The following CFAP210 variants were observed in gnomAD, a reference collection of about 807,000 sequenced individuals.
CFAP210 encodes cilia and flagella associated protein 210.
the CFAP210 span, among the ~76,000 whole-genome samples, chr2:169,653,128 G>A: frequency 5.7e-5 from 8 of 140,000 alleles, no homozygotes; most frequent in Admixed American, 1.5e-4. Context: ...CAACGAGGGC[G>A]AGGAAAGCAG....
the CFAP210 span, chr2:169,661,376 A>T: frequency 1.5e-5 from 6 of 392,584 alleles, no homozygotes; most frequent in Non-Finnish European, 2.9e-5. Context: ...TTGTAATTCT[A>T]TCCTTATCCT....
chr2:169,667,584 A>G, the CFAP210 span, among the ~76,000 whole-genome samples: 28 of 152,316 alleles, frequency 1.8e-4, no homozygotes, highest in African/African-American at 6.7e-4. Context: ...TTGAAAGTCT[A>G]AATTACTCCT....
chr2:169,694,382 C>A, the CFAP210 span: 10 of 1,564,504 alleles, frequency 6.4e-6, no homozygotes, highest in Non-Finnish European at 7.9e-6. Context: ...GGACGCCAGC[C>A]GGTGGAGTTG....
chr2:169,674,926 C>A, the CFAP210 span: 1 of 1,536,530 alleles, frequency 6.5e-7, no homozygotes, highest in South Asian at 1.3e-5. Context: ...TTTTCAATGG[C>A]CTTTTTTCTT....
the CFAP210 span, among the ~76,000 whole-genome samples, chr2:169,676,191 G>C: frequency 6.6e-6 from 1 of 151,802 alleles, no homozygotes; most frequent in Non-Finnish European, 1.5e-5. Context: ...TATAACATGG[G>C]TTTGTTTCTA....
At chr2:169,659,672 T>C in the CFAP210 span, among the ~76,000 whole-genome samples, 11 of 152,174 alleles carry the variant, frequency 7.2e-5, no homozygotes, top group African/African-American at 2.7e-4. Flanking sequence ...AGCCAAACCA[T>C]ATCATTCTGC....
the CFAP210 span, among the ~76,000 whole-genome samples, chr2:169,684,842 C>T: frequency 6.6e-6 from 1 of 152,140 alleles, no homozygotes; most frequent in South Asian, 2.1e-4. Context: ...TTTTAGTAGA[C>T]ATGGAGTTTC....
chr2:169,681,060 C>T, the CFAP210 span: 3 of 1,613,842 alleles, frequency 1.9e-6, no homozygotes, highest in Non-Finnish European at 2.5e-6. Flanking sequence ...AAATGCATTT[C>T]TTTCTTTGCC....
At chr2:169,665,959 G>A in the CFAP210 span, among the ~76,000 whole-genome samples, 1 of 152,010 alleles carries the variant, frequency 6.6e-6, no homozygotes, top group Admixed American at 6.5e-5. Context: ...GAACTCCTGG[G>A]CTCAAGTGAT....
the CFAP210 span, chr2:169,674,651 G>A: frequency 6.2e-7 from 1 of 1,608,732 alleles, no homozygotes; most frequent in Non-Finnish European, 8.5e-7. Flanking sequence ...TTCTTTAAAA[G>A]CTTTTTCAAT....
chr2:169,675,094 A>G, the CFAP210 span: 1 of 1,243,014 alleles, frequency 8.0e-7, no homozygotes, highest in East Asian at 2.8e-5. Flanking sequence ...TAATTTTACT[A>G]CAGTTTAACA....
At chr2:169,678,835 AAAAT>A in the CFAP210 span, among the ~76,000 whole-genome samples, 1 of 152,116 alleles carries the variant, frequency 6.6e-6, no homozygotes, top group Non-Finnish European at 1.5e-5. Flanking sequence ...AAAAAAAATA[AAAAT>A]AAAATAAAAA....
chr2:169,678,341 C>CAA, the CFAP210 span, among the ~76,000 whole-genome samples: 28 of 88,150 alleles, frequency 3.2e-4, no homozygotes, highest in East Asian at 5.1e-4. Context: ...AACTCTGTTG[C>CAA]AAAAAAAAAA....
chr2:169,670,556 T>C, the CFAP210 span, among the ~76,000 whole-genome samples: 1 of 152,298 alleles, frequency 6.6e-6, no homozygotes, highest in Admixed American at 6.5e-5. Context: ...AGTGACTTAG[T>C]TGGATGGTTC....
At chr2:169,671,709 A>T in the CFAP210 span, among the ~76,000 whole-genome samples, 1 of 152,188 alleles carries the variant, frequency 6.6e-6, no homozygotes, top group Non-Finnish European at 1.5e-5. Flanking sequence ...ACCTCAAGTG[A>T]TCCACCCACC....
chr2:169,693,326 T>C, the CFAP210 span, among the ~76,000 whole-genome samples: 1 of 152,220 alleles, frequency 6.6e-6, no homozygotes, highest in East Asian at 1.9e-4. Context: ...AGTGCAGAAA[T>C]GCATATGCAG....
the CFAP210 span, among the ~76,000 whole-genome samples, chr2:169,689,149 C>T: frequency 6.6e-6 from 1 of 152,144 alleles, no homozygotes; most frequent in African/African-American, 2.4e-5. Flanking sequence ...AAGACTGGCC[C>T]CCATGATTCA....
chr2:169,660,225 A>T, the CFAP210 span, among the ~76,000 whole-genome samples: 4 of 151,384 alleles, frequency 2.6e-5, no homozygotes, highest in Non-Finnish European at 5.9e-5. Flanking sequence ...TGTCTCTACT[A>T]AAAAAAATAC....
the CFAP210 span, among the ~76,000 whole-genome samples, chr2:169,655,311 T>C: frequency 3.9e-5 from 6 of 152,178 alleles, no homozygotes; most frequent in South Asian, 6.2e-4. Context: ...TCTGTTATTA[T>C]GTAAGTAGAA....
Sources: allele counts gnomAD v4.1 joint callset (sites outside exome capture counted in the v4.1 genomes callset), GRCh38; gene constraint gnomAD v4.1.1; transcripts MANE v1.5; gene names NCBI Gene and HGNC (gene_info 2026-07-23, HGNC 2026-07-21).